The following KIF13A variants were observed in gnomAD, a reference collection of about 807,000 sequenced individuals.
The protein encoded by KIF13A is kinesin family member 13A, also known as kinesin-like protein KIF13A.
Under a neutral mutation model 212.2 loss-of-function variants are expected in KIF13A, and 79 were observed. The observed-to-expected ratio is 0.37, with a 90% CI of 0.31 to 0.45. The LOEUF is 0.45. KIF13A is among the 20% of genes least tolerant of loss of function. The pLI is 1.00. For synonymous variants in KIF13A, 789 were observed against 808.6 expected, an observed-to-expected ratio of 0.98 and a Z score of 0.41; for missense variants, 1,901 against 2,209.0, an observed-to-expected ratio of 0.86 and a Z score of 2.79.
rs1761327651 is a variant in KIF13A at position 17,789,254 on chromosome 6, A to G, written c.3261+618T>C. ...ATTTTTTCTAGATTCCCAACCAGAA[A>G]AAGCTGAGATTTAAATTCTATAGGT... On this transcript the variant is annotated intron_variant, in intron 26 of 38. Transcript: ENST00000259711. This position sits in a 1 kb window ranked among gnomAD's most constrained non-coding sequence, Gnocchi z 4.8. Among the ~76,000 whole-genome samples, 1 of 152,230 alleles carries G rather than the reference A, an allele frequency of 6.6e-6. No homozygotes were observed.
intron 2 of KIF13A, among the ~76,000 whole-genome samples, chr6:17,976,563 C>CCT (rs1048480917): frequency 4.6e-5 from 7 of 152,162 alleles, no homozygotes; most frequent in African/African-American, 1.7e-4. Context: ...CCCGCTCGCG[C>CCT]CTCTCCCTCC....
intron 2 of KIF13A, among the ~76,000 whole-genome samples, chr6:17,945,794 G>A (rs1777336571): frequency 1.3e-5 from 2 of 152,112 alleles, no homozygotes; most frequent in Admixed American, 1.3e-4. Flanking sequence ...TGGTCCTACA[G>A]TTATCAGTAC....
rs1764888982 is a variant in KIF13A at position 17,825,521 on chromosome 6, A to G, written c.1786+247T>C. Among the ~76,000 whole-genome samples the G allele has an allele frequency of 6.6e-6, 1 of 152,202 alleles. No individual in the cohort carries two copies. The highest frequency in any genetic ancestry group is 2.4e-5 in the African/African-American group (1 of 41,446). ...ACTCTAGGCCCGTGGAAATGTCACC[A>G]CAATTCGCTTGGGAATAAGAGGTCT... On this transcript the variant is annotated intron_variant, in intron 16 of 38. Transcript: ENST00000259711. This position sits in a 1 kb window ranked among gnomAD's most constrained non-coding sequence, Gnocchi z 4.5.
intron 4 of KIF13A, 185 bp downstream of exon 4, chr6:17,873,192 A>T: frequency 1.9e-6 from 1 of 522,648 alleles, no homozygotes; most frequent in Non-Finnish European, 3.4e-6. Flanking sequence ...AGGATTTTAC[A>T]AGTAAGTGGC....
intron 11 of KIF13A, among the ~76,000 whole-genome samples, chr6:17,836,274 C>T (rs1765941505): frequency 6.6e-6 from 1 of 152,182 alleles, no homozygotes; most frequent in Non-Finnish European, 1.5e-5. Flanking sequence ...AAGGAGATAA[C>T]ACCTAACTAA....
At chr6:17,874,337 C>T (rs995617350) in intron 3 of KIF13A, among the ~76,000 whole-genome samples, 6 of 151,020 alleles carry the variant, frequency 4.0e-5, no homozygotes, top group Non-Finnish European at 5.9e-5. Context: ...TACAATTCCT[C>T]GAAAAGTAAA....
chr6:17,929,198 A>ATG (rs950774454), intron 2 of KIF13A, among the ~76,000 whole-genome samples: 21 of 151,790 alleles, frequency 1.4e-4, no homozygotes, highest in Non-Finnish European at 2.4e-4. Context: ...GGCTTTACCT[A>ATG]TGTGTGTGTG....
At chr6:17,986,810 C>A (rs894302507) in intron 2 of KIF13A, among the ~76,000 whole-genome samples, 15 of 152,246 alleles carry the variant, frequency 9.9e-5, no homozygotes, top group African/African-American at 3.6e-4. Flanking sequence ...GCCTCGCAGC[C>A]CGCCCGGGCT....
At position 17,772,169 on chromosome 6, in the gene KIF13A, C is replaced by A; in HGVS notation, c.4325-110G>T. ...GAATATCTGGGAGAACAATGAAATT[C>A]ATAGGCTAATATTTGGCTAAGCATT... On this transcript the variant is annotated intron_variant, in intron 36 of 38. Coordinates refer to ENST00000259711, the MANE Select transcript of KIF13A (RefSeq NM_022113.6). The surrounding 1 kb of genome is among the most constrained non-coding windows in gnomAD (Gnocchi z 4.8). The A allele has an allele frequency of 9.7e-7, 1 of 1,035,510 alleles. No homozygotes were observed. Among genetic ancestry groups the A allele is most frequent in the Admixed American group, 2.4e-5 (1 of 41,468 alleles). 64.1% of individuals were successfully genotyped at this position (1,035,510 alleles called of 1,614,324 possible). A position where few individuals can be genotyped will look rare whatever the true frequency, so the allele number is the denominator to read the frequency against.
At chr6:17,896,481 T>C (rs1032271719) in intron 3 of KIF13A, among the ~76,000 whole-genome samples, 53 of 152,216 alleles carry the variant, frequency 3.5e-4, no homozygotes, top group East Asian at 1.9e-4. Context: ...GAAAGGCCTA[T>C]ATCTACTTTG....
Position 17,764,109 on chromosome 6 carries a change from C to T in KIF13A, c.*1G>A, listed in dbSNP as rs764157560. On this transcript the variant is annotated 3_prime_UTR_variant, in exon 39 of 39. Coordinates refer to ENST00000259711, the MANE Select transcript of KIF13A (RefSeq NM_022113.6). This position sits in a 1 kb window ranked among gnomAD's most constrained non-coding sequence, Gnocchi z 5.1. ...TGGGGTTGACATACAGTTAGACATACTCATTGACAGCACAGAACCCAAAAG... is the reference window on the plus strand; with the variant it reads ...TGGGGTTGACATACAGTTAGACATATTCATTGACAGCACAGAACCCAAAAG... 25 of 1,613,080 alleles carry T rather than the reference C, an allele frequency of 1.5e-5. No individual in the cohort carries two copies. The highest frequency in any genetic ancestry group is 3.3e-5 in the Admixed American group (2 of 59,968).
chr6:17,948,366 A>G (rs1469585434), intron 2 of KIF13A, among the ~76,000 whole-genome samples: 1 of 152,184 alleles, frequency 6.6e-6, no homozygotes, highest in Non-Finnish European at 1.5e-5. Context: ...TTCTGTTTTA[A>G]AAGAGCACAG....
chr6:17,818,604 T>C lies in KIF13A; in HGVS notation c.1787-1371A>G, dbSNP rs185783360. On this transcript the variant is annotated intron_variant, in intron 16 of 38. Coordinates refer to ENST00000259711, the MANE Select transcript of KIF13A (RefSeq NM_022113.6). ...ATAACTCTACTAGCTCCTGGCTACA[T>C]CGCAAGTAGAGGTTCTATCTGCTTT... is the stretch of plus-strand genomic sequence containing the variant. Among the ~76,000 whole-genome samples the C allele has an allele frequency of 1.1e-4, 17 of 152,324 alleles. No homozygotes were observed. In the East Asian group the frequency reaches 3.3e-3, roughly 29 times the overall value.
intron 20 of KIF13A, 46 bp downstream of exon 20, chr6:17,804,314 CA>C (rs758855865): frequency 1.2e-5 from 18 of 1,445,112 alleles, no homozygotes; most frequent in Non-Finnish European, 1.6e-5. Context: ...TAAAACAAAA[CA>C]AAAAACTTGA....
chr6:17,796,552 T>TC, intron 23 of KIF13A, 117 bp downstream of exon 23: 1 of 702,398 alleles, frequency 1.4e-6, no homozygotes. Flanking sequence ...TCTTTTTTTT[T>TC]TTTTTTTAAA....
In KIF13A at chr6:17,776,103, C is replaced by A. The variant is rs1358499880; in HGVS notation, c.4171-1041G>T. On this transcript the variant is annotated intron_variant, in intron 34 of 38. Transcript: ENST00000259711. This position sits in a 1 kb window ranked among gnomAD's most constrained non-coding sequence, Gnocchi z 4.6. ...ATGTTGGTCAGGCTGGTCTTGAACT[C>A]CCAACCTCAGGTGATCTGCCCACCT... 1.3e-5 allele frequency among the ~76,000 whole-genome samples: 2 copies of A among 152,120 alleles called. No homozygotes were observed. Among genetic ancestry groups the A allele is most frequent in the Non-Finnish European group, 2.9e-5 (2 of 68,020 alleles).
Position 17,837,690 on chromosome 6 carries a change from G to A in KIF13A, c.831-107C>T, listed in dbSNP as rs1317495212. On this transcript the variant is annotated intron_variant, in intron 9 of 38. Coordinates refer to ENST00000259711, the MANE Select transcript of KIF13A (RefSeq NM_022113.6). This position sits in a 1 kb window ranked among gnomAD's most constrained non-coding sequence, Gnocchi z 5.4. Reference sequence around the variant, plus strand: ...CAGTTAATACACGTTGGTGGCTCACGCCCGTAATCCCAGCACTTTGGGAGG... The same window carrying A: ...CAGTTAATACACGTTGGTGGCTCACACCCGTAATCCCAGCACTTTGGGAGG... 7 of 769,444 alleles carry A rather than the reference G, an allele frequency of 9.1e-6. No individual in the cohort carries two copies. The highest frequency in any genetic ancestry group is 2.7e-5 in the East Asian group (1 of 36,374). The allele number at this position is 769,444 out of a possible 1,614,324, so 47.7% of individuals were successfully genotyped here.
intron 2 of KIF13A, among the ~76,000 whole-genome samples, chr6:17,930,358 T>C (rs1775884476): frequency 6.6e-6 from 1 of 152,196 alleles, no homozygotes; most frequent in South Asian, 2.1e-4. Flanking sequence ...AGCTTCCTAA[T>C]ACAGGCACTG....
At chr6:17,975,671 G>GT (rs1780357430) in intron 2 of KIF13A, among the ~76,000 whole-genome samples, 2 of 152,324 alleles carry the variant, frequency 1.3e-5, no homozygotes. Flanking sequence ...CCAGAGGTCT[G>GT]TTTTGACAGG....
Sources: allele counts gnomAD v4.1 joint callset (sites outside exome capture counted in the v4.1 genomes callset), GRCh38; gene constraint gnomAD v4.1.1; non-coding constraint Gnocchi (gnomAD v3.1); transcripts MANE v1.5; gene names NCBI Gene and HGNC (gene_info 2026-07-23, HGNC 2026-07-21).